Variants in NEBL observed in about 807,000 individuals in gnomAD.
NEBL encodes the protein LIM and SH3 protein 2.
Under a neutral mutation model 140.2 loss-of-function variants are expected in NEBL, and 122 were observed. That is an observed-to-expected ratio of 0.87 (90% confidence interval 0.75 to 1.01). The LOEUF is 1.01. Ranked by LOEUF, NEBL falls within the 50% of genes least tolerant of loss-of-function variation. The pLI is 0.00. For synonymous variants in NEBL, 436 were observed against 398.9 expected, an observed-to-expected ratio of 1.09 and a Z score of -1.11; for missense variants, 1,365 against 1,231.3, an observed-to-expected ratio of 1.11 and a Z score of -1.62.
intron 3 of NEBL, among the ~76,000 whole-genome samples, chr10:21,234,938 C>T (rs1842328485): frequency 6.6e-6 from 1 of 152,162 alleles, no homozygotes; most frequent in Admixed American, 6.6e-5. Flanking sequence ...CCCAAGGCCT[C>T]TTTAACAGAG....
chr10:20,907,998 T>A (rs557348164), intron 4 of NEBL, among the ~76,000 whole-genome samples: 1 of 152,274 alleles, frequency 6.6e-6, no homozygotes, highest in South Asian at 2.1e-4. Context: ...GAACTCCATA[T>A]AAAAATGATG....
chr10:21,030,505 G>A, intron 2 of NEBL: 2 of 815,198 alleles, frequency 2.5e-6, no homozygotes, highest in South Asian at 2.6e-5. Context: ...CTCCACCAAA[G>A]GAGAATGCTT....
At chr10:20,916,833 A>T (rs1441052367) in intron 4 of NEBL, among the ~76,000 whole-genome samples, 1 of 152,254 alleles carries the variant, frequency 6.6e-6, no homozygotes, top group Admixed American at 6.5e-5. Flanking sequence ...AGAGTGACAC[A>T]TTATGAATAT....
At chr10:20,966,257 T>C (rs2131627363) in intron 3 of NEBL, among the ~76,000 whole-genome samples, 1 of 152,360 alleles carries the variant, frequency 6.6e-6, no homozygotes, top group Admixed American at 6.5e-5. Flanking sequence ...CATGTGTACA[T>C]ATATAACTTC....
chr10:21,050,327 A>G (rs554751790), intron 2 of NEBL, among the ~76,000 whole-genome samples: 2 of 152,132 alleles, frequency 1.3e-5, no homozygotes, highest in Admixed American at 1.3e-4. Flanking sequence ...TAACATCATC[A>G]TCACAACTAC....
intron 3 of NEBL, among the ~76,000 whole-genome samples, chr10:21,216,444 C>A (rs111631915): frequency 0.13 from 19,042 of 151,936 alleles, 2,822 homozygotes; most frequent in African/African-American, 0.36. Context: ...TCACGAGGTC[C>A]GGAGTTCAAG....
chr10:20,826,568 C>T, intron 17 of NEBL, 29 bp from the exon 18 acceptor site: 1 of 1,531,964 alleles, frequency 6.5e-7, no homozygotes, highest in Non-Finnish European at 9.0e-7. Context: ...AAAAGAATAA[C>T]TAAGCTTGTC....
At chr10:21,257,906 A>G (rs1842682108) in intron 1 of NEBL, among the ~76,000 whole-genome samples, 1 of 135,752 alleles carries the variant, frequency 7.4e-6, no homozygotes, top group Non-Finnish European at 1.5e-5. Context: ...CCCCAAAAAA[A>G]AAACATCAAA....
intron 3 of NEBL, among the ~76,000 whole-genome samples, chr10:21,188,773 A>G (rs1448626027): frequency 6.6e-6 from 1 of 151,808 alleles, no homozygotes; most frequent in African/African-American, 2.4e-5. Flanking sequence ...TTTTTTTAGT[A>G]GAGATGGGGT....
rs1842641903 is a variant in NEBL, at chr10:20,852,486, C to G, written c.1008+59G>C. 2.6e-6 allele frequency: 3 copies of G among 1,168,906 alleles called. No individual in the cohort carries two copies. The African/African-American group carries it at 4.5e-5, about 18-fold the overall frequency. The allele number at this position is 1,168,906 out of a possible 1,614,324, so 72.4% of individuals were successfully genotyped here. A position where few individuals can be genotyped will look rare whatever the true frequency, so the allele number is the denominator to read the frequency against. The stretch of plus-strand genomic sequence containing the variant: ...AGACGCACGGCAGTGAGCGGCGGGC[C>G]TCAGGATGGTTACGGGTTGCTGGCA... On this transcript the variant is annotated intron_variant, in intron 10 of 27. Transcript: ENST00000377122.
intron 2 of NEBL, among the ~76,000 whole-genome samples, chr10:21,166,245 AGAAAAG>A (rs1564533533): frequency 0.02 from 2,555 of 125,918 alleles, 205 homozygotes; most frequent in African/African-American, 0.026. Context: ...AAAAAAAAAA[AGAAAAG>A]AAAAAAAAAT....
upstream of NEBL, among the ~76,000 whole-genome samples, chr10:21,175,997 T>C (rs1841291835): frequency 6.6e-6 from 1 of 152,110 alleles, no homozygotes; most frequent in South Asian, 2.1e-4. Context: ...TTAATCTTTT[T>C]TTTTTTTTCT....
rs1835050506 is a variant in NEBL, at chr10:20,781,745, A to G, written c.*4002T>C. On this transcript the variant is annotated 3_prime_UTR_variant, in exon 28 of 28. Transcript: ENST00000377122. ...ATACAATGCCTTGACTTTTTTGATC[A>G]ACAGTTGACAGTTAGTTGCGAGGAA... 1 of 152,610 alleles carries G rather than the reference A, an allele frequency of 6.6e-6. No homozygotes were observed. Among genetic ancestry groups the G allele is most frequent in the Non-Finnish European group, 1.5e-5 (1 of 68,044 alleles). 9.5% of individuals were successfully genotyped at this position (152,610 alleles called of 1,614,324 possible). A position where few individuals can be genotyped will look rare whatever the true frequency, so the allele number is the denominator to read the frequency against.
chr10:21,099,578 CT>C (rs1400880411), intron 2 of NEBL, among the ~76,000 whole-genome samples: 1 of 152,202 alleles, frequency 6.6e-6, no homozygotes, highest in East Asian at 1.9e-4. Context: ...AAAAACTCAT[CT>C]GATTCACTTC....
chr10:21,186,940 G>T (rs563076884), intron 3 of NEBL, among the ~76,000 whole-genome samples: 184 of 150,852 alleles, frequency 1.2e-3, no homozygotes, highest in African/African-American at 4.3e-3. Flanking sequence ...TCTTTGGTTG[G>T]TTGAATCTAC....
At position 20,784,075 on chromosome 10, in the gene NEBL, G is replaced by A. The variant is rs538553904; in HGVS notation, c.*1672C>T. The A allele has an allele frequency of 3.3e-5, 5 of 152,212 alleles. No individual in the cohort carries two copies. The highest frequency in any genetic ancestry group is 4.2e-4 in the South Asian group (2 of 4,818). 9.4% of individuals were successfully genotyped at this position (152,212 alleles called of 1,614,324 possible). ...AGCTTTGGCCTTTGGACTAGTAAAC[G>A]TTTCCTTAAACGATGTTTTACAGGA... On this transcript the variant is annotated 3_prime_UTR_variant, in exon 28 of 28. Coordinates refer to ENST00000377122, the MANE Select transcript of NEBL (RefSeq NM_006393.3).
chr10:20,882,486 G>A (rs1030825260), intron 4 of NEBL, among the ~76,000 whole-genome samples: 1 of 152,096 alleles, frequency 6.6e-6, no homozygotes, highest in African/African-American at 2.4e-5. Context: ...ACCAATATGA[G>A]CTCCTTGGGC....
intron 2 of NEBL, among the ~76,000 whole-genome samples, chr10:21,131,008 A>ATCTACAATGAACTC: frequency 6.6e-6 from 1 of 152,126 alleles, no homozygotes; most frequent in Non-Finnish European, 1.5e-5. Context: ...CAGGTTAAGA[A>ATCTACAATGAACTC]AAAAAGAGAG....
intron 2 of NEBL, among the ~76,000 whole-genome samples, chr10:21,249,470 GC>G (rs1842560935): frequency 1.3e-5 from 2 of 152,042 alleles, no homozygotes; most frequent in African/African-American, 4.8e-5. Context: ...GTGTCATGAA[GC>G]TTTTCCCTAC....
Sources: gnomAD v4.1 joint callset for allele counts (sites outside exome capture counted in the v4.1 genomes callset) on GRCh38, gnomAD v4.1.1 for gene constraint, MANE v1.5 for transcripts, NCBI Gene and HGNC (gene_info 2026-07-23, HGNC 2026-07-21) for gene names.